GBE1: variants seen among roughly 807,000 people sequenced by gnomAD.
GBE1 encodes the protein 1,4-alpha-glucan-branching enzyme.
In GBE1, 70 loss-of-function variants were observed where a neutral mutation model predicts 88.8. The observed-to-expected ratio is 0.79, with a 90% CI of 0.65 to 0.96. The LOEUF is 0.96. Ranked by LOEUF, GBE1 falls within the 40% of genes least tolerant of loss-of-function variation. The probability of loss-of-function intolerance (pLI) is 0.00; values close to 1 mark genes in which losing one functional copy is unlikely to be tolerated. For missense variants in GBE1, 872 were observed against 871.0 expected (o/e 1.00, Z -0.01); for synonymous variants, 284 against 300.1 (o/e 0.95, Z 0.56).
chr3:81,656,127 C>T (rs1010419843), intron 3 of GBE1, among the ~76,000 whole-genome samples: 7 of 152,230 alleles, frequency 4.6e-5, no homozygotes, highest in African/African-American at 1.7e-4. Flanking sequence ...TTGTGTGAGG[C>T]TGAAAATGGC....
At chr3:81,614,692 T>A (rs763899426) in intron 7 of GBE1, among the ~76,000 whole-genome samples, 17 of 152,102 alleles carry the variant, frequency 1.1e-4, no homozygotes, top group Admixed American at 3.9e-4. Flanking sequence ...AACCCTTCTC[T>A]ACTAAAGATA....
chr3:81,652,932 A>G lies in GBE1; in HGVS notation c.430-3011T>C, dbSNP rs183416676. On this transcript the variant is annotated intron_variant, in intron 3 of 15. Coordinates refer to ENST00000429644, the MANE Select transcript of GBE1 (RefSeq NM_000158.4). ...ATGAGTTCAAATTCCAGTCGGAAAAATTTTTAGAGAAAACTTTATGTCATT... is the reference window on the plus strand; with the variant it reads ...ATGAGTTCAAATTCCAGTCGGAAAAGTTTTTAGAGAAAACTTTATGTCATT... Among the ~76,000 whole-genome samples the G allele has an allele frequency of 3.6e-3, 549 of 152,254 alleles. 5 individuals carry two copies. The highest frequency in any genetic ancestry group is 6.1e-3 in the Admixed American group (93 of 15,286).
chr3:81,713,039 C>T lies in GBE1; in HGVS notation c.144-7426G>A, dbSNP rs1705891578. ...CCCAACATACTTATTGCAGGATAAA[C>T]ATATTTATTGTGTGCTAATAATTCA... On this transcript the variant is annotated intron_variant, in intron 1 of 15. Transcript: ENST00000429644. Among the ~76,000 whole-genome samples the T allele has an allele frequency of 2.6e-5, 4 of 152,094 alleles. No individual in the cohort carries two copies. In the South Asian group the frequency reaches 8.3e-4, roughly 32 times the overall value.
chr3:81,561,577 G>T (rs1253454889), intron 12 of GBE1, among the ~76,000 whole-genome samples: 1 of 152,002 alleles, frequency 6.6e-6, no homozygotes, highest in South Asian at 2.1e-4. Context: ...AGTGTGGAAA[G>T]AATTTAGACC....
At chr3:81,722,251 C>T (rs1472695126) in intron 1 of GBE1, among the ~76,000 whole-genome samples, 1 of 152,058 alleles carries the variant, frequency 6.6e-6, no homozygotes, top group Non-Finnish European at 1.5e-5. Flanking sequence ...GTTGGATCTA[C>T]ATTTAGTGAC....
At chr3:81,722,873 C>T (rs985383222) in intron 1 of GBE1, among the ~76,000 whole-genome samples, 6 of 137,546 alleles carry the variant, frequency 4.4e-5, no homozygotes, top group African/African-American at 1.7e-4. Context: ...TGCATGGGCA[C>T]ACACACGTGT....
chr3:81,557,455 GAAGA>G (rs945889437), intron 12 of GBE1, among the ~76,000 whole-genome samples: 3 of 151,572 alleles, frequency 2.0e-5, no homozygotes, highest in Admixed American at 1.3e-4. Flanking sequence ...TGAGGATAAA[GAAGA>G]AAGAAGGAAG....
intron 7 of GBE1, among the ~76,000 whole-genome samples, chr3:81,600,847 T>C (rs1008725481): frequency 6.6e-6 from 1 of 151,954 alleles, no homozygotes; most frequent in Non-Finnish European, 1.5e-5. Flanking sequence ...TGTACAGCAA[T>C]TGAGGTAGGG....
intron 12 of GBE1, among the ~76,000 whole-genome samples, chr3:81,561,900 G>A (rs746383183): frequency 2.6e-5 from 4 of 152,064 alleles, no homozygotes; most frequent in Non-Finnish European, 4.4e-5. Context: ...GCATGGAGGT[G>A]AAACGGATAC....
chr3:81,636,302 A>C (rs1704590663), intron 7 of GBE1, among the ~76,000 whole-genome samples: 1 of 152,204 alleles, frequency 6.6e-6, no homozygotes. Flanking sequence ...GGTTTTAACA[A>C]GGAAGAAATG....
At chr3:81,750,671 ATACG>A (rs1237318913) in intron 1 of GBE1, among the ~76,000 whole-genome samples, 3 of 79,710 alleles carry the variant, frequency 3.8e-5, no homozygotes, top group African/African-American at 8.1e-5. Context: ...ATATATATAT[ATACG>A]TATATATATA....
intron 3 of GBE1, among the ~76,000 whole-genome samples, chr3:81,654,366 T>G (rs1480227895): frequency 6.6e-6 from 1 of 152,146 alleles, no homozygotes. Context: ...GAATATATTT[T>G]AAAGTGCTTC....
intron 1 of GBE1, among the ~76,000 whole-genome samples, chr3:81,746,336 C>T (rs1210612494): frequency 6.6e-6 from 1 of 152,106 alleles, no homozygotes; most frequent in Non-Finnish European, 1.5e-5. Context: ...AATCTTAGCT[C>T]ACTGCAGCAT....
In GBE1 at chr3:81,761,373, A is replaced by G. The variant is rs2107250439; in HGVS notation, c.143+2T>C. ...GTGGGGGTGGTGGGATTCCGGCGGTACCTGCGCTGGAAGTCCACGGCGTAG... is the reference window on the plus strand; with the variant it reads ...GTGGGGGTGGTGGGATTCCGGCGGTGCCTGCGCTGGAAGTCCACGGCGTAG... On this transcript the variant is annotated splice_donor_variant, in intron 1 of 15. Transcript: ENST00000429644. LOFTEE classifies it high-confidence loss of function. 1 of 1,605,730 alleles carries G rather than the reference A, an allele frequency of 6.2e-7. No homozygotes were observed.
intron 14 of GBE1, among the ~76,000 whole-genome samples, chr3:81,518,391 G>A (rs1043987379): frequency 3.3e-5 from 5 of 151,364 alleles, no homozygotes; most frequent in African/African-American, 4.8e-5. Context: ...AAATACATTC[G>A]TGTGCAGTAA....
In GBE1 at chr3:81,705,436, G is replaced by A. The variant is rs773124221; in HGVS notation, c.313+8C>T. ...TTACTATTTAGTTCAATGCTTTCAAGTACTTACTAAAATCTCCAGTAAGAA... is the reference window on the plus strand; with the variant it reads ...TTACTATTTAGTTCAATGCTTTCAAATACTTACTAAAATCTCCAGTAAGAA... On this transcript the variant is annotated splice_region_variant and intron_variant, in intron 2 of 15. Coordinates refer to ENST00000429644, the MANE Select transcript of GBE1 (RefSeq NM_000158.4). 2.6e-6 allele frequency: 4 copies of A among 1,564,666 alleles called. No homozygotes were observed. Among genetic ancestry groups the A allele is most frequent in the African/African-American group, 2.7e-5 (2 of 73,042 alleles).
At chr3:81,750,116 TC>T (rs78993859) in intron 1 of GBE1, among the ~76,000 whole-genome samples, 45,678 of 151,778 alleles carry the variant, frequency 0.3, 7,025 homozygotes, top group East Asian at 0.43. Context: ...ATCAAAATGG[TC>T]AAGAGGATGG....
chr3:81,645,275 T>C (rs1704747236), intron 6 of GBE1, among the ~76,000 whole-genome samples: 1 of 151,974 alleles, frequency 6.6e-6, no homozygotes, highest in African/African-American at 2.4e-5. Context: ...GTAAAGATGA[T>C]GAGGAAAGAG....
chr3:81,583,453 T>C lies in GBE1; in HGVS notation c.1336-2178A>G, dbSNP rs1048307890. On this transcript the variant is annotated intron_variant, in intron 10 of 15. Coordinates refer to ENST00000429644, the MANE Select transcript of GBE1 (RefSeq NM_000158.4). ...ACAGTAACTTTATTCATAATAGCCA[T>C]AAGCTGGAAGCAACCTGGATGTTTT... is the stretch of plus-strand genomic sequence containing the variant. Among the ~76,000 whole-genome samples, 6 of 152,248 alleles carry C rather than the reference T, an allele frequency of 3.9e-5. 1 individual carries two copies. The South Asian group carries it at 1.2e-3, about 32-fold the overall frequency.
Sources: gnomAD v4.1 joint callset for allele counts (sites outside exome capture counted in the v4.1 genomes callset) on GRCh38, gnomAD v4.1.1 for gene constraint, MANE v1.5 for transcripts, NCBI Gene and HGNC (gene_info 2026-07-23, HGNC 2026-07-21) for gene names.